The following FAM89A variants were observed in gnomAD, a reference collection of about 807,000 sequenced individuals.
FAM89A encodes family with sequence similarity 89 member A, also known as protein FAM89A.
Under a neutral mutation model 7.1 loss-of-function variants are expected in FAM89A, and 10 were observed. That is an observed-to-expected ratio of 1.40 (90% CI 0.86 to 2.38). The LOEUF is 2.38. Ranked by LOEUF, FAM89A falls within the 30% of genes most tolerant of loss-of-function variation. The pLI is 0.00. For missense variants in FAM89A, 276 were observed against 262.8 expected (o/e 1.05, Z -0.35); for synonymous variants, 157 against 129.3 (o/e 1.21, Z -1.45).
At position 231,039,996 on chromosome 1, in the gene FAM89A, G is replaced by C. The variant is rs1399816077; in HGVS notation, c.216C>G (p.Gly72=). Residue 72 remains glycine, a synonymous_variant, in exon 1 of 2, where the codon GGC becomes GGG. Coordinates refer to ENST00000366654, the MANE Select transcript of FAM89A (RefSeq NM_198552.3). The part of the protein sequence containing the change: ...DELSRGGPGG[G]GARAAALPAK... ...CGGGCAGCGCTGCCGCCCGGGCCCCGCCGCCGCCCGGGCCCCCGCGGCTCA... is the reference window on the plus strand; with the variant it reads ...CGGGCAGCGCTGCCGCCCGGGCCCCCCCGCCGCCCGGGCCCCCGCGGCTCA... 4.3e-6 allele frequency: 6 copies of C among 1,386,932 alleles called. No homozygotes were observed. Among genetic ancestry groups the C allele is most frequent in the Middle Eastern group, 2.6e-4 (1 of 3,808 alleles). 85.9% of individuals were successfully genotyped at this position (1,386,932 alleles called of 1,614,324 possible). A position where few individuals can be genotyped will look rare whatever the true frequency, so the allele number is the denominator to read the frequency against.
At chr1:231,020,242 G>T in intron 1 of FAM89A, 116 bp from the exon 2 acceptor site, 1 of 1,078,780 alleles carries the variant, frequency 9.3e-7, no homozygotes, top group Middle Eastern at 2.2e-4. Flanking sequence ...CACGGCGCAT[G>T]ATTCAGAGCA....
At chr1:231,033,002 G>T (rs773895004) in intron 1 of FAM89A, among the ~76,000 whole-genome samples, 1 of 152,216 alleles carries the variant, frequency 6.6e-6, no homozygotes, top group Non-Finnish European at 1.5e-5. Context: ...CCACAAAAAC[G>T]GGAAAGGCCA....
chr1:231,039,890 G>C, intron 1 of FAM89A, 31 bp downstream of exon 1: 6 of 1,285,810 alleles, frequency 4.7e-6, no homozygotes, highest in Non-Finnish European at 5.9e-6. Context: ...GCCCGGCCGG[G>C]AAGAGCCCCA....
chr1:231,033,177 A>G (rs1446320014), intron 1 of FAM89A, among the ~76,000 whole-genome samples: 6 of 152,186 alleles, frequency 3.9e-5, no homozygotes. Flanking sequence ...ACTTCCAAAC[A>G]TTAGGAACAC....
chr1:231,036,006 A>G (rs762819591), intron 1 of FAM89A, among the ~76,000 whole-genome samples: 2 of 152,214 alleles, frequency 1.3e-5, no homozygotes, highest in Non-Finnish European at 2.9e-5. Flanking sequence ...GCAACTAAGC[A>G]GCAAGGCCAA....
intron 1 of FAM89A, among the ~76,000 whole-genome samples, chr1:231,033,398 G>A (rs1391194144): frequency 6.6e-6 from 1 of 152,182 alleles, no homozygotes; most frequent in Non-Finnish European, 1.5e-5. Flanking sequence ...GGCATTCCCA[G>A]AGCGAAACTG....
intron 1 of FAM89A, among the ~76,000 whole-genome samples, chr1:231,027,113 C>T (rs1197905385): frequency 1.3e-5 from 2 of 152,168 alleles, no homozygotes; most frequent in Non-Finnish European, 2.9e-5. Context: ...GGAGCCTGAA[C>T]GCTTCTAGGT....
intron 1 of FAM89A, among the ~76,000 whole-genome samples, chr1:231,027,272 G>C (rs1461004348): frequency 2.0e-5 from 3 of 152,118 alleles, no homozygotes; most frequent in African/African-American, 7.2e-5. Flanking sequence ...TCTCTCCCTG[G>C]ACACTTCTGC....
intron 1 of FAM89A, among the ~76,000 whole-genome samples, chr1:231,020,366 C>A (rs1679854401): frequency 6.6e-6 from 1 of 152,132 alleles, no homozygotes; most frequent in Admixed American, 6.5e-5. Flanking sequence ...GCAACCAGGG[C>A]AGCCTGCAGA....
chr1:231,021,916 G>T (rs1443025321), intron 1 of FAM89A: 11 of 1,523,090 alleles, frequency 7.2e-6, no homozygotes, highest in Middle Eastern at 1.7e-4. Context: ...TGTTGTCCAG[G>T]GACAGAGACG....
Position 231,025,455 on chromosome 1 carries a change from C to G in FAM89A, c.292-5329G>C, listed in dbSNP as rs140692390. On this transcript the variant is annotated intron_variant, in intron 1 of 1. Transcript: ENST00000366654. ...TTCTCTGTCCTAAATGAACTGCAAG[C>G]GAAAGACAGACAGTTTCCAGTACTG... Among the ~76,000 whole-genome samples the G allele has an allele frequency of 2.0e-5, 3 of 152,208 alleles. No homozygotes were observed. The South Asian group carries it at 6.2e-4, about 32-fold the overall frequency.
intron 1 of FAM89A, among the ~76,000 whole-genome samples, chr1:231,030,646 T>C (rs1452218766): frequency 6.6e-6 from 1 of 152,180 alleles, no homozygotes; most frequent in Admixed American, 6.6e-5. Context: ...ATTCAAATGG[T>C]TCGTAATCAT....
intron 1 of FAM89A, chr1:231,021,573 C>A: frequency 1.6e-6 from 2 of 1,226,574 alleles, no homozygotes; most frequent in South Asian, 2.5e-5. Context: ...TAGATCACTT[C>A]CTTTTCTGTT....
At chr1:231,032,628 TG>T (rs1553309292) in intron 1 of FAM89A, among the ~76,000 whole-genome samples, 1 of 30,676 alleles carries the variant, frequency 3.3e-5, no homozygotes, top group Admixed American at 3.4e-4. Context: ...AAAGAGCTTT[TG>T]TTTATGTGAG....
At chr1:231,032,622 A>T (rs1572357463) in intron 1 of FAM89A, among the ~76,000 whole-genome samples, 1 of 101,632 alleles carries the variant, frequency 9.8e-6, no homozygotes, top group African/African-American at 3.0e-5. Flanking sequence ...AGTCCCAAAG[A>T]GCTTTTGTTT....
At chr1:231,027,322 C>T (rs906004064) in intron 1 of FAM89A, among the ~76,000 whole-genome samples, 4 of 152,194 alleles carry the variant, frequency 2.6e-5, no homozygotes, top group Non-Finnish European at 4.4e-5. Flanking sequence ...GCCTTGTCGT[C>T]AGGTGGAACA....
At chr1:231,020,189 A>AAC in intron 1 of FAM89A, 63 bp from the exon 2 acceptor site, 1 of 1,498,816 alleles carries the variant, frequency 6.7e-7, no homozygotes, top group Non-Finnish European at 8.9e-7. Flanking sequence ...ATTTCAGTGG[A>AAC]ACACTCAGCC....
At chr1:231,039,789 CG>C in intron 1 of FAM89A, 131 bp downstream of exon 1, 1 of 932,376 alleles carries the variant, frequency 1.1e-6, no homozygotes, top group Non-Finnish European at 1.4e-6. Context: ...AGGACGGCGC[CG>C]GCGCCTGGGG....
At chr1:231,027,354 A>C (rs1679991692) in intron 1 of FAM89A, among the ~76,000 whole-genome samples, 1 of 152,170 alleles carries the variant, frequency 6.6e-6, no homozygotes, top group Admixed American at 6.5e-5. Context: ...AGGAATCCTG[A>C]CCGCCTAGGA....
Sources: gnomAD v4.1 joint callset for allele counts (sites outside exome capture counted in the v4.1 genomes callset) on GRCh38, gnomAD v4.1.1 for gene constraint, MANE v1.5 for transcripts, NCBI Gene and HGNC (gene_info 2026-07-23, HGNC 2026-07-21) for gene names.